Variants in ATAD2B observed in about 807,000 individuals in gnomAD.
ATAD2B encodes the protein ATPase family AAA domain containing 2B, also known as ATPase family AAA domain-containing protein 2B.
ATAD2B carries 40 observed loss-of-function variants against 167.6 expected under a neutral mutation model. That is an observed-to-expected ratio of 0.24 (90% CI 0.19 to 0.31). The LOEUF is 0.31. Among genes scored for constraint, ATAD2B ranks in the 10% least tolerant of loss-of-function variants. ATAD2B has a pLI of 1.00. For synonymous variants in ATAD2B, 579 were observed against 596.5 expected, an observed-to-expected ratio of 0.97 and a Z score of 0.43; for missense variants, 1,242 against 1,757.2, an observed-to-expected ratio of 0.71 and a Z score of 5.24.
chr2:23,779,425 T>A (rs1679666034), intron 22 of ATAD2B, among the ~76,000 whole-genome samples: 1 of 152,026 alleles, frequency 6.6e-6, no homozygotes. Context: ...TCCACCCACC[T>A]CGGCCTCCCA....
At chr2:23,765,401 C>A in intron 23 of ATAD2B, 105 bp downstream of exon 23, 1 of 925,548 alleles carries the variant, frequency 1.1e-6, no homozygotes, top group Non-Finnish European at 1.5e-6. Flanking sequence ...ACATTAAATA[C>A]ATTACTTTCA....
At chr2:23,780,462 T>A (rs1679854485) in intron 22 of ATAD2B, among the ~76,000 whole-genome samples, 1 of 152,192 alleles carries the variant, frequency 6.6e-6, no homozygotes, top group African/African-American at 2.4e-5. Context: ...GCAAAACAAC[T>A]GCAGTTTTTG....
At chr2:23,826,927 G>A (rs1688345933) in intron 15 of ATAD2B, among the ~76,000 whole-genome samples, 1 of 152,056 alleles carries the variant, frequency 6.6e-6, no homozygotes, top group Admixed American at 6.6e-5. Flanking sequence ...CTAACAAAAG[G>A]TCAGCTATCT....
the ATAD2B span, among the ~76,000 whole-genome samples, chr2:23,736,725 G>A: frequency 1.5e-4 from 23 of 152,250 alleles, no homozygotes; most frequent in East Asian, 9.7e-4. Context: ...TACCGTGCGC[G>A]AGCCGAAGCA....
At chr2:23,709,040 CTTTT>C in the ATAD2B span, among the ~76,000 whole-genome samples, 1 of 151,384 alleles carries the variant, frequency 6.6e-6, no homozygotes, top group Non-Finnish European at 1.5e-5. Flanking sequence ...CTTTTCTTTT[CTTTT>C]TTTCTTTTTT....
At chr2:23,880,148 C>A (rs1697656214) in intron 7 of ATAD2B, among the ~76,000 whole-genome samples, 1 of 151,286 alleles carries the variant, frequency 6.6e-6, no homozygotes, top group South Asian at 2.1e-4. Flanking sequence ...CAGTGTAATG[C>A]AAAAGCATGA....
intron 8 of ATAD2B, among the ~76,000 whole-genome samples, chr2:23,873,523 CTT>C (rs757949823): frequency 5.9e-5 from 9 of 152,296 alleles, no homozygotes; most frequent in Middle Eastern, 3.4e-3. Flanking sequence ...TTATCAAAGA[CTT>C]AACGTAAGAG....
chr2:23,922,257 T>G (rs1704043510), intron 1 of ATAD2B, among the ~76,000 whole-genome samples: 1 of 144,632 alleles, frequency 6.9e-6, no homozygotes, highest in African/African-American at 2.9e-5. Flanking sequence ...GCTGTACAGT[T>G]TTGTGAATAC....
At chr2:23,884,715 T>C in intron 6 of ATAD2B, 50 bp downstream of exon 6, 2 of 1,092,646 alleles carry the variant, frequency 1.8e-6, no homozygotes, top group Non-Finnish European at 2.6e-6. Context: ...ATTTTATTTT[T>C]CTTCCCTCCC....
At chr2:23,878,983 AAATT>A (rs1275919663) in intron 7 of ATAD2B, among the ~76,000 whole-genome samples, 6 of 152,228 alleles carry the variant, frequency 3.9e-5, no homozygotes, top group African/African-American at 9.6e-5. Context: ...ATACCTGTTA[AAATT>A]AATTAATTAA....
chr2:23,833,587 T>A (rs1689411433), intron 14 of ATAD2B, among the ~76,000 whole-genome samples: 1 of 152,186 alleles, frequency 6.6e-6, no homozygotes, highest in Non-Finnish European at 1.5e-5. Context: ...ATAAAAACAT[T>A]ATTTTATGAG....
intron 9 of ATAD2B, 76 bp from the exon 10 acceptor site, chr2:23,868,022 T>C: frequency 1.1e-6 from 1 of 908,264 alleles, no homozygotes; most frequent in Non-Finnish European, 1.8e-6. Context: ...TTTACATTCT[T>C]TGATGTGTCT....
At chr2:23,798,112 A>G in intron 19 of ATAD2B, 26 bp downstream of exon 19, 1 of 1,346,548 alleles carries the variant, frequency 7.4e-7, no homozygotes, top group Non-Finnish European at 1.0e-6. Flanking sequence ...ATAATAAGGA[A>G]AGATAAATAT....
At chr2:23,754,403 G>C in intron 26 of ATAD2B, 96 bp from the exon 27 acceptor site, 5 of 1,305,980 alleles carry the variant, frequency 3.8e-6, no homozygotes, top group Middle Eastern at 2.0e-4. Flanking sequence ...ACCATAAAGC[G>C]AGGATGTAAC....
intron 1 of ATAD2B, among the ~76,000 whole-genome samples, chr2:23,897,040 G>A (rs1446771227): frequency 6.6e-6 from 1 of 152,164 alleles, no homozygotes; most frequent in African/African-American, 2.4e-5. Flanking sequence ...TGAAGCACAA[G>A]AATCACTCAA....
In ATAD2B at chr2:23,807,826, A is replaced by ATAT. The variant is rs1229720356; in HGVS notation, c.2454+2489_2454+2490insATA. Among the ~76,000 whole-genome samples the ATAT allele has an allele frequency of 5.8e-3, 706 of 121,976 alleles. 4 individuals carry two copies. The highest frequency in any genetic ancestry group is 0.019 in the African/African-American group (575 of 30,812). The allele number at this position is 121,976 out of a possible 152,430, so 80.0% of individuals were successfully genotyped here. The stretch of plus-strand genomic sequence containing the variant: ...GCGTGACTCCATCTTAAAAAAAAAA[A>ATAT]AAATATATATATATATATAATAAAA... On this transcript the variant is annotated intron_variant, in intron 18 of 27. Transcript: ENST00000238789.
At chr2:23,824,076 G>A (rs1462323365) in intron 15 of ATAD2B, among the ~76,000 whole-genome samples, 2 of 152,132 alleles carry the variant, frequency 1.3e-5, no homozygotes, top group Non-Finnish European at 2.9e-5. Context: ...AGCCTTCTGA[G>A]TAGCTAGGAC....
chr2:23,713,653 T>C, the ATAD2B span, among the ~76,000 whole-genome samples: 1 of 152,192 alleles, frequency 6.6e-6, no homozygotes, highest in Non-Finnish European at 1.5e-5. Flanking sequence ...TTCATAAAAA[T>C]GGAATCATAC....
chr2:23,741,276 G>T, the ATAD2B span, among the ~76,000 whole-genome samples: 1 of 152,136 alleles, frequency 6.6e-6, no homozygotes, highest in Non-Finnish European at 1.5e-5. Context: ...CAAAGCTGGA[G>T]GCATCATGCT....
Sources: gnomAD v4.1 joint callset for allele counts (sites outside exome capture counted in the v4.1 genomes callset) on GRCh38, gnomAD v4.1.1 for gene constraint, MANE v1.5 for transcripts, NCBI Gene and HGNC (gene_info 2026-07-23, HGNC 2026-07-21) for gene names.